The following MYH15 variants were observed in gnomAD, a reference collection of about 807,000 sequenced individuals.
MYH15 encodes the protein myosin heavy chain 15, also known as myosin-15.
Under a neutral mutation model 240.5 loss-of-function variants are expected in MYH15, and 227 were observed. That is an observed-to-expected ratio of 0.94 (90% confidence interval 0.85 to 1.05). The LOEUF is 1.05. Ranked by LOEUF, MYH15 falls within the 50% of genes least tolerant of loss-of-function variation. The probability of loss-of-function intolerance (pLI) is 0.00; values close to 1 mark genes in which losing one functional copy is unlikely to be tolerated. For missense variants in MYH15, 2,217 were observed against 2,247.5 expected, an observed-to-expected ratio of 0.99 and a Z score of 0.27; for synonymous variants, 785 against 796.7, an observed-to-expected ratio of 0.99 and a Z score of 0.25.
Position 108,444,694 on chromosome 3 carries a change from T to C in MYH15, c.2601A>G (p.Ala867=), listed in dbSNP as rs777057102. ...TTTCCTGAGTGAGGGATACTTGCTT[T>C]GCTTTCAGTTCCTCCCTCTGAAACT... ...KSEFQREELK[A]KQVSLTQEKN... Residue 867 remains alanine, a synonymous_variant, in exon 22 of 41, where the codon GCA becomes GCG. Transcript: ENST00000693548. 4 of 1,614,078 alleles carry C rather than the reference T, an allele frequency of 2.5e-6. No individual in the cohort carries two copies. The East Asian group carries it at 8.9e-5, about 36-fold the overall frequency.
intron 18 of MYH15, among the ~76,000 whole-genome samples, chr3:108,459,077 G>A (rs370492489): frequency 1.3e-5 from 2 of 152,104 alleles, no homozygotes; most frequent in African/African-American, 4.8e-5. Context: ...TGGCATGGGA[G>A]CTCACTCATG....
At chr3:108,421,429 G>A (rs1292574441) in intron 27 of MYH15, among the ~76,000 whole-genome samples, 1 of 152,174 alleles carries the variant, frequency 6.6e-6, no homozygotes, top group East Asian at 1.9e-4. Context: ...GCAGAGTATA[G>A]GTGTCACGGG....
intron 27 of MYH15, among the ~76,000 whole-genome samples, chr3:108,422,393 T>C (rs920805160): frequency 7.2e-5 from 11 of 152,062 alleles, no homozygotes; most frequent in African/African-American, 2.4e-4. Flanking sequence ...AATTTTTGTA[T>C]TTTTAGTAAA....
intron 21 of MYH15, among the ~76,000 whole-genome samples, chr3:108,452,269 G>C (rs2082980268): frequency 6.6e-6 from 1 of 152,096 alleles, no homozygotes; most frequent in Non-Finnish European, 1.5e-5. Context: ...GTGTGCCTCA[G>C]ACCAGCTGCT....
chr3:108,501,941 T>C, intron 2 of MYH15, 86 bp from the exon 3 acceptor site: 1 of 1,439,580 alleles, frequency 6.9e-7, no homozygotes, highest in Non-Finnish European at 9.6e-7. Context: ...ATATTCAGAC[T>C]CAAAAAGAAA....
At chr3:108,479,933 G>A (rs141149346) in intron 11 of MYH15, among the ~76,000 whole-genome samples, 1 of 152,238 alleles carries the variant, frequency 6.6e-6, no homozygotes, top group East Asian at 1.9e-4. Context: ...TACAATTTTT[G>A]AGCTGTTCAT....
chr3:108,481,303 G>T (rs1478001166), intron 11 of MYH15, among the ~76,000 whole-genome samples: 1 of 152,124 alleles, frequency 6.6e-6, no homozygotes, highest in Non-Finnish European at 1.5e-5. Flanking sequence ...AGTAGGTAGG[G>T]TTCACTTAAT....
chr3:108,470,280 C>A, intron 13 of MYH15, 68 bp from the exon 14 acceptor site: 1 of 1,171,890 alleles, frequency 8.5e-7, no homozygotes, highest in African/African-American at 1.6e-5. Context: ...CAAGAATGTC[C>A]AGTAAAGAAA....
At chr3:108,445,290 A>C (rs796861184) in intron 21 of MYH15, among the ~76,000 whole-genome samples, 54 of 152,338 alleles carry the variant, frequency 3.5e-4, no homozygotes, top group African/African-American at 1.1e-3. Context: ...CATGGATAAA[A>C]AGGCAAGGCA....
intron 1 of MYH15, among the ~76,000 whole-genome samples, chr3:108,522,755 C>T (rs1559676645): frequency 6.6e-6 from 1 of 152,078 alleles, no homozygotes; most frequent in Non-Finnish European, 1.5e-5. Flanking sequence ...TGCTACAGAA[C>T]TATTTGAGGG....
intron 39 of MYH15, among the ~76,000 whole-genome samples, chr3:108,384,020 A>AGTT (rs1304120087): frequency 1.3e-5 from 2 of 152,158 alleles, no homozygotes; most frequent in African/African-American, 4.8e-5. Flanking sequence ...GAATAACCAC[A>AGTT]GTTGTCTATT....
intron 32 of MYH15, among the ~76,000 whole-genome samples, chr3:108,407,567 A>T (rs946832523): frequency 6.6e-5 from 10 of 152,198 alleles, no homozygotes; most frequent in African/African-American, 2.4e-4. Flanking sequence ...AGATACAGCC[A>T]GAGACTTTTC....
chr3:108,424,236 C>T (rs1414328980), intron 27 of MYH15, among the ~76,000 whole-genome samples: 1 of 152,200 alleles, frequency 6.6e-6, no homozygotes, highest in East Asian at 1.9e-4. Flanking sequence ...GAGTGGGCAG[C>T]CCACTTGGAC....
At position 108,470,221 on chromosome 3, in the gene MYH15, A is replaced by C; in HGVS notation, c.1384-9T>G. On this transcript the variant is annotated splice_polypyrimidine_tract_variant and intron_variant, in intron 13 of 40. Coordinates refer to ENST00000693548, the MANE Select transcript of MYH15 (RefSeq NM_014981.3). Reference sequence around the variant, plus strand: ...TGCTCAAGGCTATTATACTTCAAGGATATGAATAGGTAAGAAGAAGAGATA... The same window carrying C: ...TGCTCAAGGCTATTATACTTCAAGGCTATGAATAGGTAAGAAGAAGAGATA... The C allele has an allele frequency of 6.4e-7, 1 of 1,571,464 alleles. No individual in the cohort carries two copies. The highest frequency in any genetic ancestry group is 8.6e-7 in the Non-Finnish European group (1 of 1,159,286).
chr3:108,444,787 T>G lies in MYH15; in HGVS notation c.2508A>C (p.Glu836Asp), dbSNP rs759973580. The G allele has an allele frequency of 6.2e-7, 1 of 1,614,126 alleles. No individual in the cohort carries two copies. The highest frequency in any genetic ancestry group is 8.5e-7 in the Non-Finnish European group (1 of 1,180,002). Residue 836 changes from glutamate to aspartate, a missense_variant, in exon 22 of 41, where the codon GAA becomes GAC. By Grantham distance (45) the Glu-to-Asp change is conservative. Coordinates refer to ENST00000693548, the MANE Select transcript of MYH15 (RefSeq NM_014981.3). The part of the protein sequence containing the change: ...FKIKPLVKSS[E>D]VGEEVAGLKE... Reference sequence around the variant, plus strand: ...TCAGTCCAGCTACTTCTTCTCCTACTTCTGAAGATTTAACAAGAGGCTTGA... The same window carrying G: ...TCAGTCCAGCTACTTCTTCTCCTACGTCTGAAGATTTAACAAGAGGCTTGA...
At chr3:108,383,129 C>T (rs922143002) in intron 40 of MYH15, among the ~76,000 whole-genome samples, 3 of 152,174 alleles carry the variant, frequency 2.0e-5, no homozygotes, top group Non-Finnish European at 4.4e-5. Context: ...CAAAGCAAGA[C>T]TCTGGTATTT....
the MYH15 span, among the ~76,000 whole-genome samples, chr3:108,549,297 C>G: frequency 1.3e-5 from 2 of 148,218 alleles, no homozygotes; most frequent in African/African-American, 2.5e-5. Flanking sequence ...GTACACAGTC[C>G]AACAAGAAAA....
intron 1 of MYH15, among the ~76,000 whole-genome samples, chr3:108,516,788 G>A (rs2083576101): frequency 6.6e-6 from 1 of 152,186 alleles, no homozygotes; most frequent in Non-Finnish European, 1.5e-5. Flanking sequence ...CTTCAAAGAG[G>A]AATGTTAAAC....
At chr3:108,408,198 T>C in intron 32 of MYH15, 82 bp downstream of exon 32, 2 of 1,444,958 alleles carry the variant, frequency 1.4e-6, no homozygotes, top group Non-Finnish European at 1.9e-6. Context: ...ACGTGTCCTT[T>C]TGTTGGTGCT....
Sources: allele counts gnomAD v4.1 joint callset (sites outside exome capture counted in the v4.1 genomes callset), GRCh38; gene constraint gnomAD v4.1.1; transcripts MANE v1.5; gene names NCBI Gene and HGNC (gene_info 2026-07-23, HGNC 2026-07-21).